ROBO1: variants seen among roughly 807,000 people sequenced by gnomAD.
The protein encoded by ROBO1 is roundabout guidance receptor 1.
A neutral mutation model predicts 195.9 loss-of-function variants in ROBO1; 149 were observed. That is an observed-to-expected ratio of 0.76 (90% CI 0.67 to 0.87). The LOEUF (loss-of-function observed/expected upper bound fraction) is 0.87. Among genes scored for constraint, ROBO1 ranks in the 40% least tolerant of loss-of-function variants. The pLI, the probability that ROBO1 is intolerant of heterozygous loss-of-function variation, is 0.00. For missense variants in ROBO1, 1,933 were observed against 2,068.3 expected (o/e 0.93, Z 1.27); for synonymous variants, 816 against 733.2 (o/e 1.11, Z -1.82).
intron 2 of ROBO1, among the ~76,000 whole-genome samples, chr3:79,425,662 T>C (rs1193188696): frequency 6.6e-6 from 1 of 150,802 alleles, no homozygotes. Context: ...GCAAAGACCA[T>C]GACTAAGGAA....
intron 2 of ROBO1, among the ~76,000 whole-genome samples, chr3:79,294,068 A>C (rs2032432756): frequency 6.8e-6 from 1 of 148,148 alleles, no homozygotes; most frequent in Admixed American, 6.7e-5. Flanking sequence ...AAAAAAAAAA[A>C]AAAAAAAAAA....
intron 1 of ROBO1, among the ~76,000 whole-genome samples, chr3:79,643,209 T>C (rs947687706): frequency 2.6e-5 from 4 of 152,328 alleles, no homozygotes; most frequent in Admixed American, 2.0e-4. Context: ...GTTCTTCAGA[T>C]TCTGTACTCT....
intron 1 of ROBO1, among the ~76,000 whole-genome samples, chr3:79,677,146 T>C (rs765296925): frequency 1.3e-5 from 2 of 151,982 alleles, no homozygotes; most frequent in Non-Finnish European, 2.9e-5. Context: ...CTTGTTTCTA[T>C]GCAATATACT....
At chr3:79,113,143 T>C (rs1435801451) in intron 3 of ROBO1, among the ~76,000 whole-genome samples, 1 of 152,070 alleles carries the variant, frequency 6.6e-6, no homozygotes, top group African/African-American at 2.4e-5. Context: ...TGAGCTTCTT[T>C]AAAGAAAGCC....
At chr3:78,848,465 T>C (rs1035347937) in intron 4 of ROBO1, among the ~76,000 whole-genome samples, 2 of 152,014 alleles carry the variant, frequency 1.3e-5, no homozygotes, top group African/African-American at 4.8e-5. Context: ...TAAAGCACAG[T>C]AAAGGGGTAA....
At chr3:78,963,510 T>TC (rs1685655415) in intron 3 of ROBO1, among the ~76,000 whole-genome samples, 2 of 135,890 alleles carry the variant, frequency 1.5e-5, no homozygotes, top group African/African-American at 6.0e-5. Flanking sequence ...TTTTTTTTTT[T>TC]TTTTTTTTTT....
chr3:79,054,672 C>A (rs557332514), intron 3 of ROBO1, among the ~76,000 whole-genome samples: 334 of 152,200 alleles, frequency 2.2e-3, no homozygotes, highest in Non-Finnish European at 3.6e-3. Context: ...TAAAAGCGGC[C>A]AAGCTGGCTC....
intron 3 of ROBO1, among the ~76,000 whole-genome samples, chr3:79,035,419 T>C (rs969022938): frequency 1.3e-5 from 2 of 152,236 alleles, no homozygotes; most frequent in African/African-American, 4.8e-5. Context: ...ATTGACGATA[T>C]CCATGAAAGA....
At chr3:79,475,454 T>C (rs1938502668) in intron 2 of ROBO1, among the ~76,000 whole-genome samples, 1 of 152,024 alleles carries the variant, frequency 6.6e-6, no homozygotes, top group African/African-American at 2.4e-5. Flanking sequence ...TCCAAATATA[T>C]TATTACAACT....
In ROBO1 at chr3:78,852,394, A is replaced by G. The variant is rs569692789; in HGVS notation, c.499+86207T>C. Among the ~76,000 whole-genome samples the G allele has an allele frequency of 2.0e-5, 3 of 152,286 alleles. No homozygotes were observed. In the South Asian group the frequency reaches 6.2e-4, roughly 32 times the overall value. ...TCTACTTTCTGTAGTGTAGTGTGTT[A>G]TAACAACTCTTATTAAATATACTTC... On this transcript the variant is annotated intron_variant, in intron 4 of 30. Coordinates refer to ENST00000464233, the MANE Select transcript of ROBO1 (RefSeq NM_002941.4).
At chr3:78,683,443 T>C (rs762181978) in intron 10 of ROBO1, among the ~76,000 whole-genome samples, 26 of 152,062 alleles carry the variant, frequency 1.7e-4, no homozygotes, top group Admixed American at 3.3e-4. Context: ...TAAGAATATG[T>C]TGATGATCTT....
At chr3:78,631,847 A>C (rs567461468) in intron 24 of ROBO1, among the ~76,000 whole-genome samples, 1 of 152,324 alleles carries the variant, frequency 6.6e-6, no homozygotes, top group East Asian at 1.9e-4. Context: ...ATGACAAAAG[A>C]AGCAGAAAAA....
chr3:79,657,303 AAT>A (rs377670917), intron 1 of ROBO1, among the ~76,000 whole-genome samples: 1 of 152,258 alleles, frequency 6.6e-6, no homozygotes, highest in East Asian at 1.9e-4. Context: ...TTTTTCAATT[AAT>A]ATTTTGAACA....
At chr3:79,475,598 A>G (rs937560525) in intron 2 of ROBO1, among the ~76,000 whole-genome samples, 1 of 152,108 alleles carries the variant, frequency 6.6e-6, no homozygotes, top group African/African-American at 2.4e-5. Flanking sequence ...ATTTTGGAAT[A>G]TTTTATTACT....
Position 79,441,815 on chromosome 3 carries a change from C to T in ROBO1, c.88+148009G>A, listed in dbSNP as rs554321349. Among the ~76,000 whole-genome samples, 48 of 152,198 alleles carry T rather than the reference C, an allele frequency of 3.2e-4. No homozygotes were observed. The South Asian group carries it at 4.1e-3, about 13-fold the overall frequency. On this transcript the variant is annotated intron_variant, in intron 2 of 30. Coordinates refer to ENST00000464233, the MANE Select transcript of ROBO1 (RefSeq NM_002941.4). ...TTTAGAAGTCATACTAGGCAGGACG[C>T]TCTAAAGGCATGAATCTGTGCTCCA... is the stretch of plus-strand genomic sequence containing the variant.
chr3:78,862,663 TCAA>T (rs1487976987), intron 4 of ROBO1, among the ~76,000 whole-genome samples: 1 of 152,178 alleles, frequency 6.6e-6, no homozygotes, highest in Non-Finnish European at 1.5e-5. Context: ...CCATGAAAAG[TCAA>T]CAACAAGGAA....
chr3:79,329,486 T>G (rs1039870314), intron 2 of ROBO1, among the ~76,000 whole-genome samples: 1 of 152,206 alleles, frequency 6.6e-6, no homozygotes, highest in South Asian at 2.1e-4. Context: ...TGGAAATTAA[T>G]TTGTTTTCTT....
intron 2 of ROBO1, among the ~76,000 whole-genome samples, chr3:79,141,753 T>C (rs977904158): frequency 1.3e-5 from 2 of 152,056 alleles, no homozygotes; most frequent in Non-Finnish European, 2.9e-5. Flanking sequence ...CTTTATTATT[T>C]CAGTTTATTT....
intron 3 of ROBO1, among the ~76,000 whole-genome samples, chr3:78,962,331 G>A (rs2041392725): frequency 6.6e-6 from 1 of 152,036 alleles, no homozygotes; most frequent in Non-Finnish European, 1.5e-5. Context: ...CTTAGAAGAG[G>A]GTCTAATCTT....
Sources: allele counts gnomAD v4.1 joint callset (sites outside exome capture counted in the v4.1 genomes callset), GRCh38; gene constraint gnomAD v4.1.1; transcripts MANE v1.5; gene names NCBI Gene and HGNC (gene_info 2026-07-23, HGNC 2026-07-21).